The following MAP2K5 variants were observed in gnomAD, a reference collection of about 807,000 sequenced individuals.
MAP2K5 encodes the protein dual specificity mitogen-activated protein kinase kinase 5.
In MAP2K5, 49 loss-of-function variants were observed where a neutral mutation model predicts 83.1. The ratio of observed to expected loss-of-function variants is 0.59; its 90% CI spans 0.47 to 0.75. The LOEUF (loss-of-function observed/expected upper bound fraction) is 0.75. Ranked by LOEUF, MAP2K5 falls within the 30% of genes least tolerant of loss-of-function variation. The pLI is 0.00. For missense variants in MAP2K5, 457 were observed against 557.5 expected, an observed-to-expected ratio of 0.82 and a Z score of 1.82; for synonymous variants, 202 against 191.8, an observed-to-expected ratio of 1.05 and a Z score of -0.44.
In MAP2K5 at chr15:67,806,764, C is replaced by T; in HGVS notation, c.*14C>T. 6.4e-7 allele frequency: 1 copy of T among 1,568,142 alleles called. No individual in the cohort carries two copies. Among genetic ancestry groups the T allele is most frequent in the Non-Finnish European group, 8.6e-7 (1 of 1,160,892 alleles). On this transcript the variant is annotated 3_prime_UTR_variant, in exon 22 of 22. Coordinates refer to ENST00000178640, the MANE Select transcript of MAP2K5 (RefSeq NM_145160.3). ...GGGCCCCCGTGAGGCTGCCGCAGGG[C>T]ACTGAAAGCCCAGGACCAGTAACCA...
At chr15:67,771,257 G>A (rs1336486051) in intron 20 of MAP2K5, among the ~76,000 whole-genome samples, 9 of 151,954 alleles carry the variant, frequency 5.9e-5, no homozygotes, top group Admixed American at 5.2e-4. Context: ...CAAACCATGC[G>A]ATTCCTCTAC....
rs1481599705 is a variant in MAP2K5 at position 67,552,401 on chromosome 15, C to T, written c.184+2319C>T. On this transcript the variant is annotated intron_variant, in intron 2 of 21. Coordinates refer to ENST00000178640, the MANE Select transcript of MAP2K5 (RefSeq NM_145160.3). The surrounding 1 kb of genome is among the most constrained non-coding windows in gnomAD (Gnocchi z 4.2). The stretch of plus-strand genomic sequence containing the variant: ...TTGCTAAGAGCATTCCATGGGTTAT[C>T]TTATTTCTTTTAACCATCACAAGAT... 6.6e-6 allele frequency among the ~76,000 whole-genome samples: 1 copy of T among 152,110 alleles called. No homozygotes were observed. Among genetic ancestry groups the T allele is most frequent in the Non-Finnish European group, 1.5e-5 (1 of 68,018 alleles).
intron 8 of MAP2K5, among the ~76,000 whole-genome samples, chr15:67,617,450 C>G (rs2086079582): frequency 6.6e-6 from 1 of 152,134 alleles, no homozygotes; most frequent in African/African-American, 2.4e-5. Context: ...ATGATCAGCT[C>G]TAGGTTATTT....
intron 8 of MAP2K5, among the ~76,000 whole-genome samples, chr15:67,608,088 A>G (rs1258792445): frequency 6.6e-6 from 1 of 152,216 alleles, no homozygotes; most frequent in African/African-American, 2.4e-5. Flanking sequence ...AGTCCCCAGC[A>G]AAAGTGGTTG....
chr15:67,684,365 A>G (rs537359445), intron 13 of MAP2K5, among the ~76,000 whole-genome samples: 1 of 152,366 alleles, frequency 6.6e-6, no homozygotes, highest in South Asian at 2.1e-4. Flanking sequence ...CAGTGGGGCT[A>G]AACTAGCCCT....
In MAP2K5 at chr15:67,590,442, C is replaced by CCTCTCTCT. The variant is rs2085378235; in HGVS notation, c.432-2481_432-2480insTCTCTCTC. Among the ~76,000 whole-genome samples, 6 of 5,834 alleles carry CCTCTCTCT rather than the reference C, an allele frequency of 1.0e-3. 1 individual carries two copies. Among genetic ancestry groups the CCTCTCTCT allele is most frequent in the Non-Finnish European group, 2.6e-3 (5 of 1,906 alleles). The allele number at this position is 5,834 out of a possible 152,430, so 3.8% of individuals were successfully genotyped here. A position where few individuals can be genotyped will look rare whatever the true frequency, so the allele number is the denominator to read the frequency against. ...CCCTCCCTCCCTCTCTCTCTCCCTC[C>CCTCTCTCT]CTCCCTCTCTCTCTCTCTCTCTCTC... On this transcript the variant is annotated intron_variant, in intron 6 of 21. Coordinates refer to ENST00000178640, the MANE Select transcript of MAP2K5 (RefSeq NM_145160.3).
Position 67,782,291 on chromosome 15 carries a change from A to G in MAP2K5, c.1242+9539A>G, listed in dbSNP as rs1334736534. Among the ~76,000 whole-genome samples the G allele has an allele frequency of 2.0e-5, 3 of 152,222 alleles. No homozygotes were observed. The highest frequency in any genetic ancestry group is 7.2e-5 in the African/African-American group (3 of 41,462). On this transcript the variant is annotated intron_variant, in intron 21 of 21. Transcript: ENST00000178640. The surrounding 1 kb of genome is among the most constrained non-coding windows in gnomAD (Gnocchi z 4.9). ...AGTGTTAAGTATTAGTAATCGGGAG[A>G]TTAGGGCCCCAGGGACAATGAGAGA...
rs1209831338 is a variant in MAP2K5 at position 67,546,483 on chromosome 15, A to G, written c.135+3013A>G. 8 of 520,704 alleles carry G rather than the reference A, an allele frequency of 1.5e-5. No individual in the cohort carries two copies. In the African/African-American group the frequency reaches 1.7e-4, roughly 11 times the overall value. 32.3% of individuals were successfully genotyped at this position (520,704 alleles called of 1,614,324 possible). A position where few individuals can be genotyped will look rare whatever the true frequency, so the allele number is the denominator to read the frequency against. On this transcript the variant is annotated intron_variant, in intron 1 of 21. Transcript: ENST00000178640. ...GGGCTCCAGTCACTGTGCATCAAAT[A>G]GCTGGGAGACCCTGGGCAAGTCAGT...
Position 67,802,243 on chromosome 15 carries a change from G to A in MAP2K5, c.1243-4403G>A, listed in dbSNP as rs150381998. On this transcript the variant is annotated intron_variant, in intron 21 of 21. Transcript: ENST00000178640. The surrounding 1 kb of genome is among the most constrained non-coding windows in gnomAD (Gnocchi z 5.0). ...ACACACTGACTAAAGCCCAGGTGGA[G>A]GAGGGAGCGGTGAGCAACCACAATT... is the stretch of plus-strand genomic sequence containing the variant. 1.3e-3 allele frequency among the ~76,000 whole-genome samples: 203 copies of A among 152,332 alleles called. 1 individual carries two copies. Among genetic ancestry groups the A allele is most frequent in the African/African-American group, 4.7e-3 (196 of 41,570 alleles).
Position 67,676,103 on chromosome 15 carries a change from C to T in MAP2K5, c.847+11458C>T, listed in dbSNP as rs1045539486. 6.6e-6 allele frequency among the ~76,000 whole-genome samples: 1 copy of T among 152,118 alleles called. No individual in the cohort carries two copies. The highest frequency in any genetic ancestry group is 2.4e-5 in the African/African-American group (1 of 41,398). On this transcript the variant is annotated intron_variant, in intron 13 of 21. Coordinates refer to ENST00000178640, the MANE Select transcript of MAP2K5 (RefSeq NM_145160.3). This position sits in a 1 kb window ranked among gnomAD's most constrained non-coding sequence, Gnocchi z 4.8. ...CCATTAGGGTAAGCTTCTATCCAACCACCCAGCAAGATGCCCCCAGTGTGT... is the reference window on the plus strand; with the variant it reads ...CCATTAGGGTAAGCTTCTATCCAACTACCCAGCAAGATGCCCCCAGTGTGT...
At chr15:67,660,643 G>A (rs1363542300) in intron 12 of MAP2K5, among the ~76,000 whole-genome samples, 32 of 152,202 alleles carry the variant, frequency 2.1e-4, no homozygotes, top group Admixed American at 2.0e-3. Context: ...TACTTCCTGT[G>A]CCAATCACTG....
chr15:67,617,475 A>G (rs1406522362), intron 8 of MAP2K5, among the ~76,000 whole-genome samples: 1 of 152,212 alleles, frequency 6.6e-6, no homozygotes. Context: ...TGTGAACAAG[A>G]GTCAGCTGGG....
Position 67,579,622 on chromosome 15 carries a change from C to T in MAP2K5, c.253-1132C>T, listed in dbSNP as rs1596589620. 2.0e-5 allele frequency among the ~76,000 whole-genome samples: 3 copies of T among 151,892 alleles called. No individual in the cohort carries two copies. In the South Asian group the frequency reaches 6.2e-4, roughly 32 times the overall value. Reference sequence around the variant, plus strand: ...ACCTTCACTTTATTTGTTATTAGTGCGAACAGCCTTAGATGTATTAACTTG... The same window carrying T: ...ACCTTCACTTTATTTGTTATTAGTGTGAACAGCCTTAGATGTATTAACTTG... On this transcript the variant is annotated intron_variant, in intron 3 of 21. Transcript: ENST00000178640.
At position 67,786,977 on chromosome 15, in the gene MAP2K5, A is replaced by G. The variant is rs1394436909; in HGVS notation, c.1242+14225A>G. Among the ~76,000 whole-genome samples, 1 of 152,196 alleles carries G rather than the reference A, an allele frequency of 6.6e-6. No homozygotes were observed. Among genetic ancestry groups the G allele is most frequent in the Non-Finnish European group, 1.5e-5 (1 of 68,040 alleles). Reference sequence around the variant, plus strand: ...ACAAGGACAGTGAAGAACCCACCCTAGCCAAAGCAAAAAAGACCCTTGGAA... The same window carrying G: ...ACAAGGACAGTGAAGAACCCACCCTGGCCAAAGCAAAAAAGACCCTTGGAA... On this transcript the variant is annotated intron_variant, in intron 21 of 21. Coordinates refer to ENST00000178640, the MANE Select transcript of MAP2K5 (RefSeq NM_145160.3). The surrounding 1 kb of genome is among the most constrained non-coding windows in gnomAD (Gnocchi z 4.7).
chr15:67,556,550 CTTTCT>C (rs1480137476), intron 2 of MAP2K5, among the ~76,000 whole-genome samples: 2 of 104,372 alleles, frequency 1.9e-5, no homozygotes, highest in Non-Finnish European at 1.7e-5. Context: ...TTTTTCTTTT[CTTTCT>C]TTTTTTTTTT....
At chr15:67,684,355 C>T (rs959839150) in intron 13 of MAP2K5, among the ~76,000 whole-genome samples, 1 of 152,174 alleles carries the variant, frequency 6.6e-6, no homozygotes, top group African/African-American at 2.4e-5. Context: ...TATGCTTTAG[C>T]AGTGGGGCTA....
At chr15:67,647,322 G>C (rs2086851515) in intron 11 of MAP2K5, among the ~76,000 whole-genome samples, 1 of 152,090 alleles carries the variant, frequency 6.6e-6, no homozygotes, top group African/African-American at 2.4e-5. Flanking sequence ...AAATCTTACA[G>C]CCATATAGGT....
In MAP2K5 at chr15:67,552,378, G is replaced by A. The variant is rs1052295840; in HGVS notation, c.184+2296G>A. On this transcript the variant is annotated intron_variant, in intron 2 of 21. Transcript: ENST00000178640. The surrounding 1 kb of genome is among the most constrained non-coding windows in gnomAD (Gnocchi z 4.2). ...AGTACTTACTGTTGACAGATGCTTT[G>A]CTAAGAGCATTCCATGGGTTATCTT... Among the ~76,000 whole-genome samples, 5 of 152,148 alleles carry A rather than the reference G, an allele frequency of 3.3e-5. No homozygotes were observed. The highest frequency in any genetic ancestry group is 1.2e-4 in the African/African-American group (5 of 41,440).
chr15:67,795,138 A>T (rs1023201489), intron 21 of MAP2K5, among the ~76,000 whole-genome samples: 5 of 151,992 alleles, frequency 3.3e-5, no homozygotes, highest in Non-Finnish European at 5.9e-5. Context: ...CTTATTTTTC[A>T]ATTTTGACTG....
Sources: allele counts gnomAD v4.1 joint callset (sites outside exome capture counted in the v4.1 genomes callset), GRCh38; gene constraint gnomAD v4.1.1; non-coding constraint Gnocchi (gnomAD v3.1); transcripts MANE v1.5; gene names NCBI Gene and HGNC (gene_info 2026-07-23, HGNC 2026-07-21).